The following FBXO25 variants were observed in gnomAD, a reference collection of about 807,000 sequenced individuals.
The protein encoded by FBXO25 is F-box only protein 25.
Under a neutral mutation model 51.9 loss-of-function variants are expected in FBXO25, and 45 were observed. The observed-to-expected ratio is 0.87, with a 90% CI of 0.68 to 1.11. The LOEUF (loss-of-function observed/expected upper bound fraction) is 1.11, where lower values mean the gene tolerates loss of function less well. Ranked by LOEUF, FBXO25 falls within the 50% of genes most tolerant of loss-of-function variation. FBXO25 has a pLI of 0.00. For missense variants in FBXO25, 507 were observed against 428.5 expected (o/e 1.18, Z -1.62); for synonymous variants, 199 against 151.0 (o/e 1.32, Z -2.33).
At chr8:423,263 T>G (rs1415434000) in intron 2 of FBXO25, among the ~76,000 whole-genome samples, 1 of 152,224 alleles carries the variant, frequency 6.6e-6, no homozygotes, top group Non-Finnish European at 1.5e-5. Context: ...ATTGTGGTTC[T>G]TACTCAGAGT....
intron 2 of FBXO25, among the ~76,000 whole-genome samples, chr8:413,799 T>G (rs1796632950): frequency 6.6e-6 from 1 of 152,220 alleles, no homozygotes; most frequent in Admixed American, 6.5e-5. Context: ...TGCATCACGT[T>G]GCCCACACCT....
rs781134368 is a variant in FBXO25 at position 458,428 on chromosome 8, A to T, written c.720A>T (p.Leu240=). ...CTCTGCACATGCTGAACAACATCCT[A>T]TACCGGTTCTCAGACGGATGGGACA... is the stretch of plus-strand genomic sequence containing the variant. The part of the protein sequence containing the change: ...DLPLHMLNNI[L]YRFSDGWDII... The change falls in exon 8 of 10, where the codon CTA becomes CTT. Residue 240 remains leucine, a synonymous_variant. Transcript: ENST00000350302. 2.5e-6 allele frequency: 4 copies of T among 1,614,174 alleles called. No homozygotes were observed. The highest frequency in any genetic ancestry group is 2.5e-6 in the Non-Finnish European group (3 of 1,180,028).
intron 5 of FBXO25, among the ~76,000 whole-genome samples, chr8:448,458 C>A (rs1469040109): frequency 1.3e-5 from 2 of 152,200 alleles, no homozygotes; most frequent in Non-Finnish European, 2.9e-5. Flanking sequence ...TTATGGGATC[C>A]TCCAGGAAGA....
chr8:468,317 A>G (rs1800324230), intron 9 of FBXO25: 5 of 1,006,420 alleles, frequency 5.0e-6, no homozygotes, highest in South Asian at 8.5e-5. Context: ...CCTGTGTAAC[A>G]AAGTGAGCCA....
chr8:440,533 A>G (rs1238047298), intron 5 of FBXO25, among the ~76,000 whole-genome samples: 1 of 151,902 alleles, frequency 6.6e-6, no homozygotes, highest in Non-Finnish European at 1.5e-5. Context: ...ATAAACTTTG[A>G]TTTTCCTCTG....
At chr8:421,621 A>G (rs1797163019) in intron 2 of FBXO25, among the ~76,000 whole-genome samples, 2 of 152,068 alleles carry the variant, frequency 1.3e-5, no homozygotes, top group Admixed American at 6.6e-5. Flanking sequence ...AGAGAGAGAG[A>G]AATGTGGGTC....
chr8:436,641 C>T (rs993819509), intron 5 of FBXO25, among the ~76,000 whole-genome samples: 2 of 152,142 alleles, frequency 1.3e-5, no homozygotes, highest in Non-Finnish European at 2.9e-5. Context: ...TACACACTGG[C>T]CAGCAGGGTG....
At chr8:451,153 A>G in intron 6 of FBXO25, 116 bp from the exon 7 acceptor site, 3 of 787,982 alleles carry the variant, frequency 3.8e-6, no homozygotes, top group Non-Finnish European at 5.9e-6. Context: ...GCATGTATAG[A>G]TCACACGTTG....
intron 1 of FBXO25, 26 bp from the exon 2 acceptor site, chr8:413,047 T>G: frequency 1.4e-6 from 2 of 1,453,718 alleles, no homozygotes; most frequent in Non-Finnish European, 1.8e-6. Flanking sequence ...ATATATACTT[T>G]TTAACATAAT....
In FBXO25 at chr8:451,171, G is replaced by C. The variant is rs549386592; in HGVS notation, c.476-98G>C. ...TGTATAGATCACACGTTGTTTGTCT[G>C]TTCGTCTATCAGTGGACATTTGGGT... On this transcript the variant is annotated intron_variant, in intron 6 of 9. Transcript: ENST00000350302. 5.4e-5 allele frequency: 53 copies of C among 986,954 alleles called. No homozygotes were observed. In the African/African-American group the frequency reaches 5.6e-4, roughly 10 times the overall value. 61.1% of individuals were successfully genotyped at this position (986,954 alleles called of 1,614,324 possible).
chr8:454,717 C>G (rs918396394), intron 7 of FBXO25, among the ~76,000 whole-genome samples: 3 of 151,896 alleles, frequency 2.0e-5, no homozygotes, highest in African/African-American at 7.3e-5. Flanking sequence ...CGGTGAAATC[C>G]CATCTCTACT....
intron 2 of FBXO25, among the ~76,000 whole-genome samples, chr8:420,613 A>G (rs1797090155): frequency 1.3e-5 from 2 of 152,266 alleles, no homozygotes; most frequent in East Asian, 1.9e-4. Context: ...CAAAAGGAAC[A>G]AACTATTAAT....
At chr8:433,426 C>T (rs1263978927) in intron 4 of FBXO25, among the ~76,000 whole-genome samples, 4 of 152,122 alleles carry the variant, frequency 2.6e-5, no homozygotes, top group African/African-American at 7.2e-5. Flanking sequence ...GGAATGTGTC[C>T]TCCCTGTGGC....
At chr8:448,355 A>G (rs1798863757) in intron 5 of FBXO25, among the ~76,000 whole-genome samples, 1 of 152,238 alleles carries the variant, frequency 6.6e-6, no homozygotes, top group African/African-American at 2.4e-5. Context: ...GAACCTCCCA[A>G]TGGCTGAACA....
intron 2 of FBXO25, among the ~76,000 whole-genome samples, chr8:415,917 T>A (rs1291387083): frequency 6.6e-6 from 1 of 152,188 alleles, no homozygotes; most frequent in African/African-American, 2.4e-5. Context: ...TTGCCTATAG[T>A]TATTTCAGTA....
intron 5 of FBXO25, among the ~76,000 whole-genome samples, chr8:440,695 G>T (rs1006600652): frequency 2.6e-5 from 4 of 152,082 alleles, no homozygotes; most frequent in Non-Finnish European, 5.9e-5. Context: ...CCATCAACCC[G>T]TCATCTACAT....
In FBXO25 at chr8:431,305, G is replaced by A. The variant is rs575949999; in HGVS notation, c.135-36G>A. On this transcript the variant is annotated intron_variant, in intron 2 of 9. Transcript: ENST00000350302. ...AGAAAAGCCAAATGAAGATCTCCCT[G>A]AAAAAATATTTTAATAGAATGTGTC... 77 of 1,178,210 alleles carry A rather than the reference G, an allele frequency of 6.5e-5. No homozygotes were observed. In the African/African-American group the frequency reaches 1.1e-3, roughly 17 times the overall value. The allele number at this position is 1,178,210 out of a possible 1,614,324, so 73.0% of individuals were successfully genotyped here. A position where few individuals can be genotyped will look rare whatever the true frequency, so the allele number is the denominator to read the frequency against.
At chr8:456,823 G>C (rs530308228) in intron 7 of FBXO25, among the ~76,000 whole-genome samples, 1 of 152,302 alleles carries the variant, frequency 6.6e-6, no homozygotes, top group South Asian at 2.1e-4. Flanking sequence ...CCCTGCAGCA[G>C]TTTCCATTCT....
intron 5 of FBXO25, among the ~76,000 whole-genome samples, chr8:445,867 G>A (rs867714134): frequency 7.2e-5 from 11 of 152,152 alleles, no homozygotes; most frequent in East Asian, 5.8e-4. Flanking sequence ...GTGAAACTCC[G>A]TCTCACAAAA....
Sources: allele counts gnomAD v4.1 joint callset (sites outside exome capture counted in the v4.1 genomes callset), GRCh38; gene constraint gnomAD v4.1.1; transcripts MANE v1.5; gene names NCBI Gene and HGNC (gene_info 2026-07-23, HGNC 2026-07-21).